The following GRHL1 variants were observed in gnomAD, a reference collection of about 807,000 sequenced individuals.
The protein encoded by GRHL1 is grainyhead-like protein 1 homolog.
A neutral mutation model predicts 75.7 loss-of-function variants in GRHL1; 38 were observed. The ratio of observed to expected loss-of-function variants is 0.50; its 90% CI spans 0.39 to 0.66. The LOEUF is 0.66. GRHL1 is among the 30% of genes least tolerant of loss of function. The pLI is 0.00. For missense variants in GRHL1, 589 were observed against 767.5 expected (o/e 0.77, Z 2.75); for synonymous variants, 266 against 279.4 (o/e 0.95, Z 0.48).
At chr2:9,997,206 C>T (rs1441466340) in intron 14 of GRHL1, among the ~76,000 whole-genome samples, 2 of 152,100 alleles carry the variant, frequency 1.3e-5, no homozygotes, top group Non-Finnish European at 2.9e-5. Context: ...TGGAGTTATG[C>T]GCGTCAGTGA....
At position 9,954,734 on chromosome 2, in the gene GRHL1, T is replaced by TA. The variant is rs538746666; in HGVS notation, c.21-180dup. On this transcript the variant is annotated intron_variant, in intron 1 of 15. Transcript: ENST00000324907. ...CTGGCTGCCTAGATACTTTATGTCT[T>TA]ACTGTGGGACCCATTGGTCTGCACT... The TA allele has an allele frequency of 4.8e-4, 313 of 650,268 alleles. 2 individuals are homozygous for TA. In the African/African-American group the frequency reaches 5.3e-3, roughly 11 times the overall value. The allele number at this position is 650,268 out of a possible 1,614,324, so 40.3% of individuals were successfully genotyped here. A position where few individuals can be genotyped will look rare whatever the true frequency, so the allele number is the denominator to read the frequency against.
At chr2:9,978,361 G>A (rs1458455344) in intron 8 of GRHL1, among the ~76,000 whole-genome samples, 1 of 152,202 alleles carries the variant, frequency 6.6e-6, no homozygotes, top group African/African-American at 2.4e-5. Flanking sequence ...GTTGGTGCTG[G>A]ATCTTTATCC....
chr2:10,001,771 C>CAT lies in GRHL1; in HGVS notation c.*1064_*1065insAT, dbSNP rs1319902455. ...CAGATGCACTTAGAGTGAAGAAACACTGTAATTACAGCACACAGATTGCAA... is the reference window on the plus strand; with the variant it reads ...CAGATGCACTTAGAGTGAAGAAACACATTGTAATTACAGCACACAGATTGCAA... On this transcript the variant is annotated 3_prime_UTR_variant, in exon 16 of 16. Coordinates refer to ENST00000324907, the MANE Select transcript of GRHL1 (RefSeq NM_198182.3). 6.6e-6 allele frequency: 1 copy of CAT among 152,282 alleles called. No individual in the cohort carries two copies. The highest frequency in any genetic ancestry group is 2.4e-5 in the African/African-American group (1 of 41,464). The allele number at this position is 152,282 out of a possible 1,614,324, so 9.4% of individuals were successfully genotyped here. A position where few individuals can be genotyped will look rare whatever the true frequency, so the allele number is the denominator to read the frequency against.
At chr2:9,966,067 TC>T (rs1156539588) in intron 8 of GRHL1, 1 of 152,376 alleles carries the variant, frequency 6.6e-6, no homozygotes, top group Non-Finnish European at 1.5e-5. Flanking sequence ...TGTATTTCTT[TC>T]TTTCTTTGGA....
Position 9,961,095 on chromosome 2 carries a change from A to G in GRHL1, c.328A>G (p.Asn110Asp), listed in dbSNP as rs1252816016. 3.2e-6 allele frequency: 5 copies of G among 1,565,222 alleles called. 1 individual carries two copies. In the East Asian group the frequency reaches 7.2e-5, roughly 22 times the overall value. ...GCAGCCCCTCATCTCTGCTGGAGAA[A>G]ACAGAGTGCAAGTACTGAAAAATGT... ...TEQPLISAGE[N>D]RVQVLKNVPF... The change falls in exon 4 of 16, where the codon AAC (asparagine) becomes GAC (aspartate). Residue 110 changes from asparagine to aspartate, a missense_variant. By Grantham distance (23) the Asn-to-Asp change is conservative (BLOSUM62 1). Coordinates refer to ENST00000324907, the MANE Select transcript of GRHL1 (RefSeq NM_198182.3).
At position 9,957,805 on chromosome 2, in the gene GRHL1, C is replaced by A. The variant is rs144208580; in HGVS notation, c.208-981C>A. On this transcript the variant is annotated intron_variant, in intron 2 of 15. Transcript: ENST00000324907. ...AGCACCTTAGCCATTTTGGAGTGCG[C>A]AATGGGGTTAAATCTCAGTTGAGTT... Among the ~76,000 whole-genome samples, 590 of 152,314 alleles carry A rather than the reference C, an allele frequency of 3.9e-3. 14 individuals are homozygous for A. The highest frequency in any genetic ancestry group is 0.028 in the Admixed American group (425 of 15,290).
At chr2:9,970,337 G>A (rs914806952) in intron 8 of GRHL1, among the ~76,000 whole-genome samples, 9 of 151,732 alleles carry the variant, frequency 5.9e-5, no homozygotes, top group African/African-American at 1.7e-4. Context: ...AGTAAGTGGC[G>A]TCAGAGAAGT....
intron 8 of GRHL1, among the ~76,000 whole-genome samples, chr2:9,972,955 G>A (rs960457229): frequency 2.0e-5 from 3 of 152,068 alleles, no homozygotes; most frequent in Non-Finnish European, 4.4e-5. Context: ...ACATGTGGGC[G>A]GTGTGGGAAG....
intron 9 of GRHL1, 59 bp downstream of exon 9, chr2:9,986,341 AG>A: frequency 1.6e-6 from 2 of 1,252,978 alleles, no homozygotes; most frequent in Non-Finnish European, 2.2e-6. Flanking sequence ...GAAAAAGACC[AG>A]GGTCTCTTTA....
At chr2:9,952,146 C>T (rs2125197639) in intron 1 of GRHL1, among the ~76,000 whole-genome samples, 1 of 152,062 alleles carries the variant, frequency 6.6e-6, no homozygotes, top group Admixed American at 6.5e-5. Context: ...GGGCGCGCAC[C>T]TTGGGGTCCG....
intron 5 of GRHL1, 139 bp from the exon 6 acceptor site, chr2:9,963,747 T>G: frequency 3.5e-6 from 2 of 570,470 alleles, no homozygotes; most frequent in Non-Finnish European, 6.1e-6. Flanking sequence ...CTGAGAGACT[T>G]GAGAATTTTT....
chr2:9,962,166 C>G (rs1251452010), intron 4 of GRHL1, among the ~76,000 whole-genome samples: 1 of 152,102 alleles, frequency 6.6e-6, no homozygotes, highest in Admixed American at 6.5e-5. Flanking sequence ...AGTGTTTGAA[C>G]AGAGTTGGGA....
At chr2:9,986,002 G>A in intron 8 of GRHL1, 122 bp from the exon 9 acceptor site, 1 of 663,608 alleles carries the variant, frequency 1.5e-6, no homozygotes, top group African/African-American at 1.9e-5. Flanking sequence ...TTTAAAAAAT[G>A]AGAAGCTGAG....
At chr2:9,969,368 G>A (rs907376344) in intron 8 of GRHL1, among the ~76,000 whole-genome samples, 6 of 152,160 alleles carry the variant, frequency 3.9e-5, no homozygotes, top group South Asian at 2.1e-4. Context: ...ATGCTATTAC[G>A]TGCTTGGTGC....
intron 8 of GRHL1, among the ~76,000 whole-genome samples, chr2:9,967,235 CA>C (rs1359876262): frequency 6.6e-6 from 1 of 152,212 alleles, no homozygotes; most frequent in Non-Finnish European, 1.5e-5. Context: ...CTTGATCCCC[CA>C]GGAGAGTCAC....
intron 14 of GRHL1, among the ~76,000 whole-genome samples, chr2:9,997,388 A>C (rs1253392947): frequency 6.6e-6 from 1 of 152,140 alleles, no homozygotes; most frequent in East Asian, 1.9e-4. Context: ...AGGCGCCCCA[A>C]GTCCACGGGT....
chr2:9,976,150 C>A (rs540714750), intron 8 of GRHL1, among the ~76,000 whole-genome samples: 5 of 152,256 alleles, frequency 3.3e-5, no homozygotes, highest in Admixed American at 3.3e-4. Context: ...TGCCAAGATG[C>A]TCTTGGAATG....
rs1667590886 is a variant in GRHL1 at position 9,968,790 on chromosome 2, A to G, written c.1110+3409A>G. Among the ~76,000 whole-genome samples, 1 of 152,176 alleles carries G rather than the reference A, an allele frequency of 6.6e-6. No individual in the cohort carries two copies. The highest frequency in any genetic ancestry group is 6.5e-5 in the Admixed American group (1 of 15,290). On this transcript the variant is annotated intron_variant, in intron 8 of 15. Transcript: ENST00000324907. The surrounding 1 kb of genome is among the most constrained non-coding windows in gnomAD (Gnocchi z 4.7). ...TCTGGAGCCAGCGATGCAGCTTTGCAGGAATTCAGAACTGAGCCCAGCACA... is the reference window on the plus strand; with the variant it reads ...TCTGGAGCCAGCGATGCAGCTTTGCGGGAATTCAGAACTGAGCCCAGCACA...
At chr2:9,965,008 G>C (rs1292893043) in intron 7 of GRHL1, 1 of 329,934 alleles carries the variant, frequency 3.0e-6, no homozygotes, top group Non-Finnish European at 5.5e-6. Context: ...CTACAGAGTA[G>C]TTTTGTGACC....
Sources: allele counts gnomAD v4.1 joint callset (sites outside exome capture counted in the v4.1 genomes callset), GRCh38; gene constraint gnomAD v4.1.1; non-coding constraint Gnocchi (gnomAD v3.1); transcripts MANE v1.5; gene names NCBI Gene and HGNC (gene_info 2026-07-23, HGNC 2026-07-21).